SHANK2: variants seen among roughly 807,000 people sequenced by gnomAD.
SHANK2 encodes the protein SH3 and multiple ankyrin repeat domains 2.
Under a neutral mutation model 133.7 loss-of-function variants are expected in SHANK2, and 43 were observed. The observed-to-expected ratio is 0.32, with a 90% CI of 0.25 to 0.41. The LOEUF is 0.41. Ranked by LOEUF, SHANK2 falls within the 10% of genes least tolerant of loss-of-function variation. The pLI, the probability that SHANK2 is intolerant of heterozygous loss-of-function variation, is 1.00. For missense variants in SHANK2, 1,994 were observed against 2,235.8 expected (o/e 0.89, Z 2.18); for synonymous variants, 1,017 against 952.8 (o/e 1.07, Z -1.24).
intron 2 of SHANK2, among the ~76,000 whole-genome samples, chr11:71,214,009 C>T (rs369906277): frequency 1.2e-4 from 19 of 152,286 alleles, no homozygotes; most frequent in East Asian, 5.8e-4. Flanking sequence ...TGCCCTAACG[C>T]GCCCCAGGAC....
chr11:71,233,520 G>A (rs1954778654), intron 1 of SHANK2, among the ~76,000 whole-genome samples: 1 of 152,148 alleles, frequency 6.6e-6, no homozygotes, highest in African/African-American at 2.4e-5. Flanking sequence ...CGTCTTTATT[G>A]GGGGAATAAA....
At chr11:71,164,541 C>T (rs1296961719) in intron 2 of SHANK2, among the ~76,000 whole-genome samples, 2 of 152,184 alleles carry the variant, frequency 1.3e-5, no homozygotes, top group Non-Finnish European at 2.9e-5. Flanking sequence ...ACAGCTGCCG[C>T]ACCTTCTAAA....
At chr11:70,718,309 C>T (rs1402040353) in intron 14 of SHANK2, among the ~76,000 whole-genome samples, 2 of 152,206 alleles carry the variant, frequency 1.3e-5, no homozygotes, top group Admixed American at 6.5e-5. Context: ...AAGGGGCAGC[C>T]GGGCAGCCAA....
intron 11 of SHANK2, among the ~76,000 whole-genome samples, chr11:70,859,824 C>T (rs1005028257): frequency 3.9e-5 from 6 of 152,186 alleles, no homozygotes; most frequent in Non-Finnish European, 7.3e-5. Context: ...GCACTAAGCC[C>T]TCTTTCCCTA....
At chr11:71,200,829 A>AATACAC (rs1555116962) in intron 2 of SHANK2, among the ~76,000 whole-genome samples, 2 of 111,960 alleles carry the variant, frequency 1.8e-5, no homozygotes, top group African/African-American at 8.9e-5. Flanking sequence ...AGTCTCAATT[A>AATACAC]ATACACACAC....
chr11:71,103,346 G>A (rs782460028), intron 6 of SHANK2, among the ~76,000 whole-genome samples: 1 of 152,158 alleles, frequency 6.6e-6, no homozygotes, highest in Non-Finnish European at 1.5e-5. Context: ...CTTGTTACTG[G>A]TAGGGTGGGT....
At chr11:70,887,791 C>A (rs1391264981) in intron 11 of SHANK2, among the ~76,000 whole-genome samples, 1 of 152,182 alleles carries the variant, frequency 6.6e-6, no homozygotes. Context: ...CCACCCCACA[C>A]CCACCTCTAG....
Position 70,535,789 on chromosome 11 carries a change from C to T in SHANK2, c.2062-32858G>A, listed in dbSNP as rs550989741. ...TGTGCTCCACGGGGCAGGAGAGGTT[C>T]GGGTGGGCCATCCGCTGGCAGGGAG... On this transcript the variant is annotated intron_variant, in intron 17 of 25. Coordinates refer to ENST00000601538, the MANE Select transcript of SHANK2 (RefSeq NM_012309.5). The surrounding 1 kb of genome is among the most constrained non-coding windows in gnomAD (Gnocchi z 4.3). Among the ~76,000 whole-genome samples, 62 of 152,342 alleles carry T rather than the reference C, an allele frequency of 4.1e-4. No individual in the cohort carries two copies. Among genetic ancestry groups the T allele is most frequent in the African/African-American group, 1.4e-3 (58 of 41,584 alleles).
intron 2 of SHANK2, among the ~76,000 whole-genome samples, chr11:71,166,448 T>C (rs557441700): frequency 6.6e-6 from 1 of 152,192 alleles, no homozygotes; most frequent in African/African-American, 2.4e-5. Flanking sequence ...ATGACTTTTC[T>C]TGGTTTACCT....
chr11:71,246,765 G>A (rs946924508), intron 1 of SHANK2, among the ~76,000 whole-genome samples: 7 of 152,104 alleles, frequency 4.6e-5, no homozygotes, highest in African/African-American at 1.7e-4. Context: ...TGCAGCTCCA[G>A]GTGAAGGGCC....
chr11:71,108,397 C>T (rs1041472989), intron 6 of SHANK2, among the ~76,000 whole-genome samples: 43 of 152,212 alleles, frequency 2.8e-4, no homozygotes, highest in African/African-American at 9.9e-4. Context: ...CCTCCTCCCA[C>T]TGCCTGCCCC....
intron 21 of SHANK2, among the ~76,000 whole-genome samples, chr11:70,499,445 G>A (rs1264183932): frequency 6.6e-6 from 1 of 152,204 alleles, no homozygotes; most frequent in Non-Finnish European, 1.5e-5. Flanking sequence ...GGCGCCCACG[G>A]TGGCTCAGCC....
At chr11:70,572,730 A>G (rs892611637) in intron 17 of SHANK2, among the ~76,000 whole-genome samples, 15 of 152,148 alleles carry the variant, frequency 9.9e-5, no homozygotes, top group Non-Finnish European at 1.5e-5. Flanking sequence ...CACTGTTCCA[A>G]ATGAAAAAGA....
intron 2 of SHANK2, among the ~76,000 whole-genome samples, chr11:71,152,461 C>T (rs556355414): frequency 6.6e-6 from 1 of 152,312 alleles, no homozygotes; most frequent in Non-Finnish European, 1.5e-5. Flanking sequence ...ACATAGTACA[C>T]ATCTACAGCT....
chr11:70,905,726 C>G (rs1555077798), intron 10 of SHANK2, among the ~76,000 whole-genome samples: 1 of 152,178 alleles, frequency 6.6e-6, no homozygotes, highest in African/African-American at 2.4e-5. Flanking sequence ...CATCTGCTGG[C>G]CCTTGATCTT....
Position 71,101,261 on chromosome 11 carries a change from C to G in SHANK2, c.593-6573G>C, listed in dbSNP as rs1035087230. Among the ~76,000 whole-genome samples the G allele has an allele frequency of 3.2e-4, 49 of 152,196 alleles. 1 individual carries two copies. The highest frequency in any genetic ancestry group is 3.2e-3 in the Admixed American group (49 of 15,280). ...TGGACCCTGGCCCCTGCCTCCGTGT[C>G]ACCCTTACCCTCGCCACTCCCTCTG... is the stretch of plus-strand genomic sequence containing the variant. On this transcript the variant is annotated intron_variant, in intron 6 of 25. Transcript: ENST00000601538.
At chr11:70,697,143 C>G (rs1185647578) in intron 15 of SHANK2, among the ~76,000 whole-genome samples, 1 of 152,166 alleles carries the variant, frequency 6.6e-6, no homozygotes, top group Non-Finnish European at 1.5e-5. Context: ...TTAATGCAGA[C>G]AGAGTTCCAA....
At chr11:70,816,510 C>A (rs1388867636) in intron 12 of SHANK2, among the ~76,000 whole-genome samples, 2 of 152,214 alleles carry the variant, frequency 1.3e-5, no homozygotes, top group African/African-American at 4.8e-5. Context: ...CCAGGGCCCC[C>A]AGAGGCTGGG....
chr11:70,492,093 T>G (rs1555155933), intron 22 of SHANK2, among the ~76,000 whole-genome samples: 1 of 152,090 alleles, frequency 6.6e-6, no homozygotes, highest in East Asian at 1.9e-4. Flanking sequence ...ACAGGACACC[T>G]TCGAGGCTCA....
Sources: allele counts gnomAD v4.1 joint callset (sites outside exome capture counted in the v4.1 genomes callset), GRCh38; gene constraint gnomAD v4.1.1; non-coding constraint Gnocchi (gnomAD v3.1); transcripts MANE v1.5; gene names NCBI Gene and HGNC (gene_info 2026-07-23, HGNC 2026-07-21).